The following MYCBP2 variants were observed in gnomAD, a reference collection of about 807,000 sequenced individuals.
MYCBP2 encodes MYC binding protein 2, also known as E3 ubiquitin-protein ligase MYCBP2.
In MYCBP2, 120 loss-of-function variants were observed where a neutral mutation model predicts 525.3. The ratio of observed to expected loss-of-function variants is 0.23; its 90% CI spans 0.20 to 0.27. The LOEUF (loss-of-function observed/expected upper bound fraction) is 0.27. Among genes scored for constraint, MYCBP2 ranks in the 10% least tolerant of loss-of-function variants. The pLI is 1.00. For synonymous variants in MYCBP2, 1,894 were observed against 1,955.8 expected, an observed-to-expected ratio of 0.97 and a Z score of 0.83; for missense variants, 4,149 against 5,657.1, an observed-to-expected ratio of 0.73 and a Z score of 8.55.
chr13:77,141,520 C>T (rs2054615392), intron 49 of MYCBP2, among the ~76,000 whole-genome samples: 1 of 152,106 alleles, frequency 6.6e-6, no homozygotes, highest in South Asian at 2.1e-4. Context: ...ATTGTAATCC[C>T]AGCACTTTGG....
At chr13:77,127,210 T>A (rs2051826995) in intron 52 of MYCBP2, among the ~76,000 whole-genome samples, 1 of 151,974 alleles carries the variant, frequency 6.6e-6, no homozygotes, top group Non-Finnish European at 1.5e-5. Flanking sequence ...ACATTAATGC[T>A]AGTAACAGAA....
rs1042401058 is a variant in MYCBP2, at chr13:77,177,862, C to A, written c.5226G>T (p.Gly1742=). ...SQGRSWNTGN[G]SPDAICFSVD... is the part of the protein sequence containing the mutation. ...CTGAAAAACAGATTGCATCAGGGGA[C>A]CCGTTCCCAGTGTTCCAACTTCTGC... The change falls in exon 35 of 83, where the codon GGG becomes GGT. Residue 1742 remains glycine (G), a synonymous_variant. Transcript: ENST00000544440. 2.7e-5 allele frequency: 43 copies of A among 1,613,648 alleles called. No individual in the cohort carries two copies. Among genetic ancestry groups the A allele is most frequent in the Non-Finnish European group, 3.6e-5 (42 of 1,179,684 alleles).
intron 13 of MYCBP2, 108 bp downstream of exon 13, chr13:77,260,320 A>C: frequency 1.3e-6 from 1 of 750,710 alleles, no homozygotes; most frequent in South Asian, 2.6e-5. Flanking sequence ...AAATGTAAAA[A>C]ATGTAGAGAA....
intron 37 of MYCBP2, 149 bp from the exon 38 acceptor site, chr13:77,171,783 A>C (rs939512407): frequency 4.3e-6 from 3 of 692,822 alleles, no homozygotes; most frequent in Middle Eastern, 4.0e-4. Context: ...AATAATAGGG[A>C]ATGATAAGGG....
At chr13:77,224,963 G>C (rs1344062736) in intron 19 of MYCBP2, among the ~76,000 whole-genome samples, 1 of 152,018 alleles carries the variant, frequency 6.6e-6, no homozygotes, top group Non-Finnish European at 1.5e-5. Flanking sequence ...CTTCAAGGAA[G>C]GAATTTAACA....
chr13:77,055,588 A>G lies in MYCBP2; in HGVS notation c.13617T>C (p.Tyr4539=), dbSNP rs762434628. 7 of 1,614,012 alleles carry G rather than the reference A, an allele frequency of 4.3e-6. No homozygotes were observed. Among genetic ancestry groups the G allele is most frequent in the African/African-American group, 1.3e-5 (1 of 75,060 alleles). The change falls in exon 80 of 83, where the codon TAT becomes TAC. Residue 4539 remains tyrosine (Y), a synonymous_variant. Transcript: ENST00000544440. ...NDPAGYAMNR[Y]AYYVCYKCRK... ...TGCATTTGTAGCACACATAATATGC[A>G]TATCTATTCATTGCATAGCCAGCTG...
intron 15 of MYCBP2, among the ~76,000 whole-genome samples, chr13:77,246,486 G>C (rs2069974357): frequency 6.6e-6 from 1 of 150,658 alleles, no homozygotes; most frequent in South Asian, 2.1e-4. Flanking sequence ...GAAGAAAGAA[G>C]AAGAAGGAAG....
At chr13:77,137,701 G>A (rs1424913257) in intron 52 of MYCBP2, among the ~76,000 whole-genome samples, 1 of 152,028 alleles carries the variant, frequency 6.6e-6, no homozygotes. Flanking sequence ...CGATTCTCCC[G>A]CTTCAGCCTC....
chr13:77,303,584 T>A (rs892291855), intron 1 of MYCBP2, among the ~76,000 whole-genome samples: 1 of 151,560 alleles, frequency 6.6e-6, no homozygotes, highest in Non-Finnish European at 1.5e-5. Flanking sequence ...AATTCCCAAA[T>A]GTTTGGCAAT....
chr13:77,276,339 C>T (rs532507985), intron 4 of MYCBP2, among the ~76,000 whole-genome samples: 5 of 149,794 alleles, frequency 3.3e-5, no homozygotes, highest in East Asian at 4.0e-4. Flanking sequence ...CGAAAACAAC[C>T]GAATGGGAAA....
intron 5 of MYCBP2, among the ~76,000 whole-genome samples, chr13:77,272,139 G>C (rs945881312): frequency 1.3e-5 from 2 of 152,310 alleles, no homozygotes; most frequent in African/African-American, 2.4e-5. Flanking sequence ...TCTGTATGCT[G>C]TGGCTACGCT....
At chr13:77,171,469 T>G in intron 38 of MYCBP2, 23 bp downstream of exon 38, 1 of 1,605,296 alleles carries the variant, frequency 6.2e-7, no homozygotes, top group Non-Finnish European at 8.5e-7. Context: ...AAAATATGAC[T>G]ACTGAGAAAG....
chr13:77,288,937 AGG>A (rs2077180440), intron 2 of MYCBP2, among the ~76,000 whole-genome samples: 1 of 152,214 alleles, frequency 6.6e-6, no homozygotes, highest in South Asian at 2.1e-4. Context: ...GTATTGATAA[AGG>A]CTAAAAATCA....
At chr13:77,205,076 T>G (rs1283368745) in intron 26 of MYCBP2, among the ~76,000 whole-genome samples, 180 bp downstream of exon 26, 1 of 151,674 alleles carries the variant, frequency 6.6e-6, no homozygotes, top group Non-Finnish European at 1.5e-5. Context: ...TTTAAAAAAT[T>G]TAGTATTACT....
At position 77,076,904 on chromosome 13, in the gene MYCBP2, G is replaced by A. The variant is rs1312945414; in HGVS notation, c.11725-55C>T. 8.9e-6 allele frequency: 12 copies of A among 1,353,238 alleles called. No homozygotes were observed. In the African/African-American group the frequency reaches 1.4e-4, roughly 16 times the overall value. The allele number at this position is 1,353,238 out of a possible 1,614,324, so 83.8% of individuals were successfully genotyped here. On this transcript the variant is annotated intron_variant, in intron 67 of 82. Coordinates refer to ENST00000544440, the MANE Select transcript of MYCBP2 (RefSeq NM_015057.5). ...TAATGACAGGCATTAACACTATATT[G>A]GCCAGAGGACTCATTAGCTGATTCC... is the stretch of plus-strand genomic sequence containing the variant.
chr13:77,126,355 A>G lies in MYCBP2; in HGVS notation c.7847T>C (p.Met2616Thr). ...TTTGACTTTGTTTCCCAGAACTAAC[A>G]TTCCAATTGGGATACCTCTAAGGTT... ...CPNLRGIPIG[M>T]LVLGNKVKAV... The change falls in exon 53 of 83, where the codon ATG (methionine) becomes ACG (threonine). Residue 2616 changes from methionine (M) to threonine (T), a missense_variant. By Grantham distance (81) the Met-to-Thr change is moderately conservative (BLOSUM62 -1). Transcript: ENST00000544440. 1.2e-6 allele frequency: 2 copies of G among 1,613,866 alleles called. No individual in the cohort carries two copies. Among genetic ancestry groups the G allele is most frequent in the Non-Finnish European group, 1.7e-6 (2 of 1,179,790 alleles).
At chr13:77,084,060 GTTTA>G (rs2043791345) in intron 62 of MYCBP2, among the ~76,000 whole-genome samples, 1 of 152,068 alleles carries the variant, frequency 6.6e-6, no homozygotes, top group Non-Finnish European at 1.5e-5. Context: ...AAATACCATA[GTTTA>G]TTTCATCAGT....
chr13:77,142,049 G>A (rs891614491), intron 49 of MYCBP2, among the ~76,000 whole-genome samples: 2 of 152,034 alleles, frequency 1.3e-5, no homozygotes, highest in African/African-American at 4.8e-5. Flanking sequence ...TATCTAATTT[G>A]TATCAGTTTT....
At chr13:77,223,015 TG>T (rs1427058705) in intron 20 of MYCBP2, among the ~76,000 whole-genome samples, 5 of 152,324 alleles carry the variant, frequency 3.3e-5, no homozygotes, top group African/African-American at 1.2e-4. Flanking sequence ...GAGTGAAGTC[TG>T]GCTTGAAGCT....
Sources: gnomAD v4.1 joint callset for allele counts (sites outside exome capture counted in the v4.1 genomes callset) on GRCh38, gnomAD v4.1.1 for gene constraint, MANE v1.5 for transcripts, NCBI Gene and HGNC (gene_info 2026-07-23, HGNC 2026-07-21) for gene names.